The following ZBTB5 variants were observed in gnomAD, a reference collection of about 807,000 sequenced individuals.
The protein encoded by ZBTB5 is zinc finger and BTB domain-containing protein 5.
ZBTB5 carries 15 observed loss-of-function variants against 37.9 expected under a neutral mutation model. That is an observed-to-expected ratio of 0.40 (90% CI 0.26 to 0.61). The LOEUF is 0.61. ZBTB5 is among the 20% of genes least tolerant of loss of function. ZBTB5 has a pLI of 0.47. For synonymous variants in ZBTB5, 315 were observed against 312.4 expected, an observed-to-expected ratio of 1.01 and a Z score of -0.09; for missense variants, 708 against 856.8, an observed-to-expected ratio of 0.83 and a Z score of 2.17.
At position 37,438,898 on chromosome 9, in the gene ZBTB5, G is replaced by A. The variant is rs1823792492; in HGVS notation, c.*1620C>T. On this transcript the variant is annotated 3_prime_UTR_variant, in exon 2 of 2. Transcript: ENST00000307750. The stretch of plus-strand genomic sequence containing the variant: ...TCTTCCTGGGAATCAGTCCATGGGA[G>A]ATGCCAAGCGCCCCTGGAACATGAA... 6.6e-6 allele frequency: 1 copy of A among 152,206 alleles called. No individual in the cohort carries two copies. Among genetic ancestry groups the A allele is most frequent in the Non-Finnish European group, 1.5e-5 (1 of 68,044 alleles). 9.4% of individuals were successfully genotyped at this position (152,206 alleles called of 1,614,324 possible). A position where few individuals can be genotyped will look rare whatever the true frequency, so the allele number is the denominator to read the frequency against.
At position 37,442,359 on chromosome 9, in the gene ZBTB5, T is replaced by C; in HGVS notation, c.193A>G (p.Ile65Val). The C allele has an allele frequency of 4.3e-6, 7 of 1,614,168 alleles. No homozygotes were observed. The highest frequency in any genetic ancestry group is 5.9e-6 in the Non-Finnish European group (7 of 1,180,016). ...VAEGDQTMNM[I>V]QLDSEVVTAE... ...GTCACCACCTCGCTATCCAGCTGGA[T>C]CATGTTCATGGTCTGATCTCCTTCT... Residue 65 changes from isoleucine (I) to valine (V), a missense_variant, in exon 2 of 2, where the codon ATC (isoleucine) becomes GTC (valine). By Grantham distance (29) the Ile-to-Val change is conservative. Coordinates refer to ENST00000307750, the MANE Select transcript of ZBTB5 (RefSeq NM_014872.3).
At chr9:37,443,911 G>A (rs966235192) in intron 1 of ZBTB5, among the ~76,000 whole-genome samples, 1 of 151,710 alleles carries the variant, frequency 6.6e-6, no homozygotes, top group African/African-American at 2.4e-5. Flanking sequence ...GGGTGACAGA[G>A]TGAAACCTGT....
intron 1 of ZBTB5, among the ~76,000 whole-genome samples, chr9:37,446,504 G>A (rs1001546786): frequency 6.6e-6 from 1 of 152,266 alleles, no homozygotes; most frequent in African/African-American, 2.4e-5. Context: ...TTTTGCCTAT[G>A]TTTGTTGAGC....
intron 1 of ZBTB5, among the ~76,000 whole-genome samples, chr9:37,458,939 C>T (rs964882930): frequency 6.6e-6 from 1 of 152,182 alleles, no homozygotes; most frequent in African/African-American, 2.4e-5. Flanking sequence ...GAAAATACCA[C>T]TTGTGGAGTT....
At chr9:37,452,061 CTTTCA>C (rs761398950) in intron 1 of ZBTB5, among the ~76,000 whole-genome samples, 1 of 152,174 alleles carries the variant, frequency 6.6e-6, no homozygotes, top group Non-Finnish European at 1.5e-5. Context: ...GGCTGGTGGC[CTTTCA>C]TTTGTTTTAC....
intron 1 of ZBTB5, among the ~76,000 whole-genome samples, chr9:37,446,062 G>A (rs750652004): frequency 6.6e-6 from 1 of 152,098 alleles, no homozygotes; most frequent in Non-Finnish European, 1.5e-5. Context: ...AGCAAAGATC[G>A]CTGCACTGCA....
chr9:37,440,504 G>GT lies in ZBTB5; in HGVS notation c.*13dup. On this transcript the variant is annotated 3_prime_UTR_variant, in exon 2 of 2. Transcript: ENST00000307750. Reference sequence around the variant, plus strand: ...TGACAACTGGCCTCAGCGTTGTCTTGTAAGGACAAACAGCTAGAGCAAAGT... The same window carrying GT: ...TGACAACTGGCCTCAGCGTTGTCTTGTTAAGGACAAACAGCTAGAGCAAAGT... 39 of 1,611,416 alleles carry GT rather than the reference G, an allele frequency of 2.4e-5. No homozygotes were observed. The highest frequency in any genetic ancestry group is 3.3e-5 in the Non-Finnish European group (39 of 1,177,914).
chr9:37,464,581 A>G (rs1457465248), intron 1 of ZBTB5, among the ~76,000 whole-genome samples: 1 of 152,228 alleles, frequency 6.6e-6, no homozygotes, highest in East Asian at 1.9e-4. Flanking sequence ...TATTATTTAC[A>G]TACAAATCTG....
chr9:37,464,674 G>A (rs887048909), intron 1 of ZBTB5, among the ~76,000 whole-genome samples: 3 of 152,190 alleles, frequency 2.0e-5, no homozygotes, highest in African/African-American at 7.2e-5. Flanking sequence ...GGGAGTAGTG[G>A]GCATTCAATA....
chr9:37,439,957 G>C lies in ZBTB5; in HGVS notation c.*561C>G, dbSNP rs1823826585. The C allele has an allele frequency of 6.4e-6, 1 of 155,946 alleles. No homozygotes were observed. Among genetic ancestry groups the C allele is most frequent in the Admixed American group, 6.2e-5 (1 of 16,032 alleles). The allele number at this position is 155,946 out of a possible 1,614,324, so 9.7% of individuals were successfully genotyped here. ...GACCCAGTGTCAGCACCAAAGTGCA[G>C]TGTTTATGACTGCAAATCAGGTAAA... On this transcript the variant is annotated 3_prime_UTR_variant, in exon 2 of 2. Coordinates refer to ENST00000307750, the MANE Select transcript of ZBTB5 (RefSeq NM_014872.3).
intron 1 of ZBTB5, among the ~76,000 whole-genome samples, chr9:37,444,280 C>A (rs947754346): frequency 6.6e-6 from 1 of 152,126 alleles, no homozygotes; most frequent in African/African-American, 2.4e-5. Flanking sequence ...CTCACTGCAA[C>A]CTCCGCCTCC....
At chr9:37,446,132 T>C (rs560058776) in intron 1 of ZBTB5, among the ~76,000 whole-genome samples, 3 of 152,190 alleles carry the variant, frequency 2.0e-5, no homozygotes, top group Admixed American at 6.5e-5. Context: ...TAAAAATGTA[T>C]ACACATATAT....
At chr9:37,443,117 A>C (rs1361762720) in intron 1 of ZBTB5, among the ~76,000 whole-genome samples, 4 of 152,170 alleles carry the variant, frequency 2.6e-5, no homozygotes, top group Non-Finnish European at 4.4e-5. Flanking sequence ...TGGGAGGCTG[A>C]GACGGGCAGA....
chr9:37,454,319 C>T (rs917275114), intron 1 of ZBTB5, among the ~76,000 whole-genome samples: 2 of 152,164 alleles, frequency 1.3e-5, no homozygotes, highest in African/African-American at 2.4e-5. Context: ...AGAGCTCAGG[C>T]TGAGTAAATT....
Position 37,438,161 on chromosome 9 carries a change from A to T in ZBTB5, c.*2357T>A, listed in dbSNP as rs41278297. ...AAAAATCTCAAGTTGTAACCAGCATAGCACCACTGACATGGATGCCTTGAT... is the reference window on the plus strand; with the variant it reads ...AAAAATCTCAAGTTGTAACCAGCATTGCACCACTGACATGGATGCCTTGAT... On this transcript the variant is annotated 3_prime_UTR_variant, in exon 2 of 2. Coordinates refer to ENST00000307750, the MANE Select transcript of ZBTB5 (RefSeq NM_014872.3). The T allele has an allele frequency of 6.5e-6, 1 of 152,758 alleles. No homozygotes were observed. Among genetic ancestry groups the T allele is most frequent in the Non-Finnish European group, 1.5e-5 (1 of 68,030 alleles). The allele number at this position is 152,758 out of a possible 1,614,324, so 9.5% of individuals were successfully genotyped here.
intron 1 of ZBTB5, among the ~76,000 whole-genome samples, chr9:37,452,309 TCA>T (rs1322425650): frequency 6.6e-6 from 1 of 152,188 alleles, no homozygotes; most frequent in Admixed American, 6.5e-5. Flanking sequence ...GAAGCATAAC[TCA>T]CAGTAAAAAT....
chr9:37,444,307 T>A (rs927816766), intron 1 of ZBTB5, among the ~76,000 whole-genome samples: 1 of 152,036 alleles, frequency 6.6e-6, no homozygotes, highest in Non-Finnish European at 1.5e-5. Flanking sequence ...CAAGTGATTC[T>A]CCTGCCTCAG....
At chr9:37,453,602 G>A (rs1251647344) in intron 1 of ZBTB5, among the ~76,000 whole-genome samples, 3 of 152,118 alleles carry the variant, frequency 2.0e-5, no homozygotes, top group African/African-American at 7.2e-5. Flanking sequence ...TATGTCATTG[G>A]AGAAAATCAC....
At chr9:37,459,317 G>T (rs1437495115) in intron 1 of ZBTB5, among the ~76,000 whole-genome samples, 1 of 151,974 alleles carries the variant, frequency 6.6e-6, no homozygotes, top group Non-Finnish European at 1.5e-5. Context: ...AAAATTGGTG[G>T]GGCGTGGTGA....
Sources: gnomAD v4.1 joint callset for allele counts (sites outside exome capture counted in the v4.1 genomes callset) on GRCh38, gnomAD v4.1.1 for gene constraint, MANE v1.5 for transcripts, NCBI Gene and HGNC (gene_info 2026-07-23, HGNC 2026-07-21) for gene names.